C20orf202: variants seen among roughly 807,000 people sequenced by gnomAD.
C20orf202 encodes uncharacterized protein C20orf202.
C20orf202 carries 5 observed loss-of-function variants against 5.3 expected under a neutral mutation model. That is an observed-to-expected ratio of 0.94 (90% confidence interval 0.49 to 1.98). The LOEUF (loss-of-function observed/expected upper bound fraction) is 1.98, where lower values mean the gene tolerates loss of function less well. Ranked by LOEUF, C20orf202 falls within the 30% of genes most tolerant of loss-of-function variation. The probability of loss-of-function intolerance (pLI) is 0.01; values close to 1 mark genes in which losing one functional copy is unlikely to be tolerated. For missense variants in C20orf202, 135 were observed against 123.5 expected, an observed-to-expected ratio of 1.09 and a Z score of -0.44; for synonymous variants, 48 against 50.0, an observed-to-expected ratio of 0.96 and a Z score of 0.16.
chr20:1,203,686 A>G, intron 1 of C20orf202, 35 bp downstream of exon 1: 1 of 1,520,994 alleles, frequency 6.6e-7, no homozygotes, highest in South Asian at 1.3e-5. Context: ...TGATGCCCCG[A>G]CTACATATTT....
chr20:1,206,348 CATA>C (rs2087131588), intron 1 of C20orf202, among the ~76,000 whole-genome samples: 1 of 152,132 alleles, frequency 6.6e-6, no homozygotes, highest in Non-Finnish European at 1.5e-5. Context: ...ATAACAAATT[CATA>C]ATATGTTAAT....
At chr20:1,205,912 G>C (rs1159916021) in intron 1 of C20orf202, among the ~76,000 whole-genome samples, 1 of 151,968 alleles carries the variant, frequency 6.6e-6, no homozygotes, top group Non-Finnish European at 1.5e-5. Context: ...AAATAGCCGG[G>C]CATGGTGGTG....
At chr20:1,204,483 T>A (rs982788820) in intron 1 of C20orf202, among the ~76,000 whole-genome samples, 5 of 152,214 alleles carry the variant, frequency 3.3e-5, no homozygotes, top group African/African-American at 1.2e-4. Flanking sequence ...CCCGATGTTA[T>A]GTTACTTGGT....
In C20orf202 at chr20:1,207,012, C is replaced by T; in HGVS notation, c.210C>T (p.Gly70=). The change falls in exon 2 of 2, where the codon GGC becomes GGT. Residue 70 remains glycine, a synonymous_variant. Transcript: ENST00000400633. ...CATCCCCCATCAGAGCTCGAGCGGG[C>T]TCCGAAGGCAGGGGCTGCCAGCCGG... is the stretch of plus-strand genomic sequence containing the variant. The part of the protein sequence containing the change: ...GGTSPIRARA[G]SEGRGCQPVC... The T allele has an allele frequency of 1.3e-6, 2 of 1,550,902 alleles. No individual in the cohort carries two copies. Among genetic ancestry groups the T allele is most frequent in the African/African-American group, 1.4e-5 (1 of 73,190 alleles).
At chr20:1,203,735 G>T in intron 1 of C20orf202, 84 bp downstream of exon 1, 1 of 1,448,142 alleles carries the variant, frequency 6.9e-7, no homozygotes, top group South Asian at 1.4e-5. Context: ...GTCCCCCCTG[G>T]GGCAGAGGCT....
At chr20:1,206,133 A>G (rs950585887) in intron 1 of C20orf202, among the ~76,000 whole-genome samples, 3 of 152,126 alleles carry the variant, frequency 2.0e-5, no homozygotes, top group Admixed American at 2.0e-4. Flanking sequence ...AAAATGGGAG[A>G]AAGAATGGAG....
At position 1,207,219 on chromosome 20, in the gene C20orf202, T is replaced by C; in HGVS notation, c.*117T>C. ...CAGAAAGCCAGGGCTCTGGGTTCAT[T>C]TCTGCCCTCATCTGCTGTGCATCCC... On this transcript the variant is annotated 3_prime_UTR_variant, in exon 2 of 2. Transcript: ENST00000400633. 1 of 689,722 alleles carries C rather than the reference T, an allele frequency of 1.4e-6. No homozygotes were observed. The highest frequency in any genetic ancestry group is 2.9e-5 in the South Asian group (1 of 35,078). 42.7% of individuals were successfully genotyped at this position (689,722 alleles called of 1,614,324 possible). A position where few individuals can be genotyped will look rare whatever the true frequency, so the allele number is the denominator to read the frequency against.
Position 1,203,555 on chromosome 20 carries a change from C to A in C20orf202, c.-31C>A. The A allele has an allele frequency of 6.4e-7, 1 of 1,551,330 alleles. No individual in the cohort carries two copies. Among genetic ancestry groups the A allele is most frequent in the South Asian group, 1.2e-5 (1 of 83,950 alleles). Reference sequence around the variant, plus strand: ...AGATCCCTCGGGCCCAGAACCAGGTCAGTGTCAAGGTCACTCCTAAGAACA... The same window carrying A: ...AGATCCCTCGGGCCCAGAACCAGGTAAGTGTCAAGGTCACTCCTAAGAACA... On this transcript the variant is annotated 5_prime_UTR_variant, in exon 1 of 2. Coordinates refer to ENST00000400633, the MANE Select transcript of C20orf202 (RefSeq NM_001394958.1).
In C20orf202 at chr20:1,206,946, G is replaced by A. The variant is rs372546105; in HGVS notation, c.144G>A (p.Ala48=). 5 of 1,551,598 alleles carry A rather than the reference G, an allele frequency of 3.2e-6. No individual in the cohort carries two copies. The highest frequency in any genetic ancestry group is 2.7e-5 in the African/African-American group (2 of 73,184). The part of the protein sequence containing the change: ...HLHSVLEELR[A]DSAHWEDARS... ...ACAGTGTCCTGGAGGAGCTGCGTGC[G>A]GACAGCGCCCACTGGGAGGACGCCA... The change falls in exon 2 of 2, where the codon GCG becomes GCA. Residue 48 remains alanine, a synonymous_variant. Transcript: ENST00000400633.
chr20:1,205,279 T>G (rs943767373), intron 1 of C20orf202, among the ~76,000 whole-genome samples: 2 of 152,064 alleles, frequency 1.3e-5, no homozygotes, highest in African/African-American at 4.8e-5. Context: ...CTAATTTTTT[T>G]GTATTTTTAG....
chr20:1,206,273 T>C (rs914098568), intron 1 of C20orf202, among the ~76,000 whole-genome samples: 3 of 152,194 alleles, frequency 2.0e-5, no homozygotes, highest in Non-Finnish European at 4.4e-5. Context: ...TATATAACAA[T>C]ACTGACTGAA....
In C20orf202 at chr20:1,208,489, C is replaced by T. The variant is rs535871643; in HGVS notation, c.*1387C>T. ...CTGCTCTGTGATGCTGGAGCTGGGT[C>T]CCTGCAAAGCACCTTTTGGTGTTAC... On this transcript the variant is annotated 3_prime_UTR_variant, in exon 2 of 2. Coordinates refer to ENST00000400633, the MANE Select transcript of C20orf202 (RefSeq NM_001394958.1). Among the ~76,000 whole-genome samples, 2 of 152,246 alleles carry T rather than the reference C, an allele frequency of 1.3e-5. No homozygotes were observed. The highest frequency in any genetic ancestry group is 4.1e-4 in the South Asian group (2 of 4,824).
At chr20:1,206,409 A>C (rs2087131760) in intron 1 of C20orf202, among the ~76,000 whole-genome samples, 1 of 152,218 alleles carries the variant, frequency 6.6e-6, no homozygotes, top group Non-Finnish European at 1.5e-5. Context: ...GCAAATATTT[A>C]GTGGGAAGAG....
rs2087133671 is a variant in C20orf202 at position 1,206,862 on chromosome 20, CT to C, written c.67-6del. ...GCATCCCCTCACAGGCTCCTTCTCT[CT>C]CCTAGTCTGAGATGCAGATTCAAGA... On this transcript the variant is annotated splice_polypyrimidine_tract_variant and splice_region_variant and intron_variant, in intron 1 of 1. Coordinates refer to ENST00000400633, the MANE Select transcript of C20orf202 (RefSeq NM_001394958.1). 1 of 1,523,546 alleles carries C rather than the reference CT, an allele frequency of 6.6e-7. No individual in the cohort carries two copies. Among genetic ancestry groups the C allele is most frequent in the South Asian group, 1.2e-5 (1 of 82,068 alleles). The allele number at this position is 1,523,546 out of a possible 1,614,324, so 94.4% of individuals were successfully genotyped here. A position where few individuals can be genotyped will look rare whatever the true frequency, so the allele number is the denominator to read the frequency against.
Position 1,208,754 on chromosome 20 carries a change from C to T in C20orf202, c.*1652C>T, listed in dbSNP as rs2087143597. Among the ~76,000 whole-genome samples, 1 of 152,176 alleles carries T rather than the reference C, an allele frequency of 6.6e-6. No homozygotes were observed. The highest frequency in any genetic ancestry group is 2.4e-5 in the African/African-American group (1 of 41,448). ...GGGGCCCCTTCCAGGAGCTCAGAGA[C>T]ATCAGCTTCAGATGCCAGTCCCTCC... On this transcript the variant is annotated 3_prime_UTR_variant, in exon 2 of 2. Coordinates refer to ENST00000400633, the MANE Select transcript of C20orf202 (RefSeq NM_001394958.1).
chr20:1,205,114 T>TC (rs1334452878), intron 1 of C20orf202, among the ~76,000 whole-genome samples: 1 of 151,428 alleles, frequency 6.6e-6, no homozygotes, highest in Non-Finnish European at 1.5e-5. Context: ...TCCTTTTTTT[T>TC]TTTTTTTTTG....
rs774628902 is a variant in C20orf202 at position 1,207,168 on chromosome 20, C to G, written c.*66C>G. 8.6e-7 allele frequency: 1 copy of G among 1,163,894 alleles called. No individual in the cohort carries two copies. The highest frequency in any genetic ancestry group is 3.0e-5 in the Admixed American group (1 of 33,214). The allele number at this position is 1,163,894 out of a possible 1,614,324, so 72.1% of individuals were successfully genotyped here. ...AGTCTAACCTTTCACTGTGATATTT[C>G]AGGGGCAGAGTGTTGGAATGGGAGT... On this transcript the variant is annotated 3_prime_UTR_variant, in exon 2 of 2. Transcript: ENST00000400633.
rs1391459761 is a variant in C20orf202 at position 1,207,426 on chromosome 20, A to G, written c.*324A>G. On this transcript the variant is annotated 3_prime_UTR_variant, in exon 2 of 2. Transcript: ENST00000400633. ...ATCCTTGGGAATTTTTCACAAGGCA[A>G]TTGTTAAAACAAAGAACTAGATGTG... is the stretch of plus-strand genomic sequence containing the variant. 1.3e-5 allele frequency: 3 copies of G among 228,866 alleles called. No homozygotes were observed. Among genetic ancestry groups the G allele is most frequent in the East Asian group, 8.2e-5 (1 of 12,136 alleles). The allele number at this position is 228,866 out of a possible 1,614,324, so 14.2% of individuals were successfully genotyped here.
chr20:1,207,169 A>C lies in C20orf202; in HGVS notation c.*67A>C. The C allele has an allele frequency of 5.2e-6, 6 of 1,152,374 alleles. No homozygotes were observed. The highest frequency in any genetic ancestry group is 7.1e-6 in the Non-Finnish European group (6 of 845,006). The allele number at this position is 1,152,374 out of a possible 1,614,324, so 71.4% of individuals were successfully genotyped here. On this transcript the variant is annotated 3_prime_UTR_variant, in exon 2 of 2. Transcript: ENST00000400633. ...GTCTAACCTTTCACTGTGATATTTCAGGGGCAGAGTGTTGGAATGGGAGTC... is the reference window on the plus strand; with the variant it reads ...GTCTAACCTTTCACTGTGATATTTCCGGGGCAGAGTGTTGGAATGGGAGTC...
Sources: allele counts gnomAD v4.1 joint callset (sites outside exome capture counted in the v4.1 genomes callset), GRCh38; gene constraint gnomAD v4.1.1; transcripts MANE v1.5; gene names NCBI Gene and HGNC (gene_info 2026-07-23, HGNC 2026-07-21).